The following RBPMS2 variants were observed in gnomAD, a reference collection of about 807,000 sequenced individuals.
RBPMS2 encodes RNA-binding protein with multiple splicing 2.
Under a neutral mutation model 25.7 loss-of-function variants are expected in RBPMS2, and 14 were observed. The ratio of observed to expected loss-of-function variants is 0.55; its 90% CI spans 0.36 to 0.85. The LOEUF (loss-of-function observed/expected upper bound fraction) is 0.85. Ranked by LOEUF, RBPMS2 falls within the 40% of genes least tolerant of loss-of-function variation. The pLI is 0.01. For synonymous variants in RBPMS2, 127 were observed against 115.6 expected (o/e 1.10, Z -0.63); for missense variants, 252 against 283.4 (o/e 0.89, Z 0.80).
intron 6 of RBPMS2, 138 bp from the exon 7 acceptor site, chr15:64,741,380 C>A: frequency 1.5e-6 from 1 of 658,216 alleles, no homozygotes; most frequent in South Asian, 1.8e-5. Flanking sequence ...GCCAGTTACT[C>A]ACCTTTAAGC....
intron 1 of RBPMS2, among the ~76,000 whole-genome samples, chr15:64,770,521 G>A (rs998762231): frequency 2.6e-5 from 4 of 152,112 alleles, no homozygotes; most frequent in African/African-American, 9.7e-5. Flanking sequence ...GATTACTTAG[G>A]CAGAGGGGAC....
intron 6 of RBPMS2, 53 bp downstream of exon 6, chr15:64,748,366 C>A: frequency 4.4e-6 from 7 of 1,581,606 alleles, no homozygotes; most frequent in Non-Finnish European, 5.2e-6. Context: ...CATGCAAAGT[C>A]TGGCCAGCTA....
chr15:64,775,467 C>T lies in RBPMS2; in HGVS notation c.-148G>A, dbSNP rs569872648. The T allele has an allele frequency of 1.5e-5, 3 of 204,090 alleles. No individual in the cohort carries two copies. The highest frequency in any genetic ancestry group is 1.8e-4 in the South Asian group (1 of 5,424). 12.6% of individuals were successfully genotyped at this position (204,090 alleles called of 1,614,324 possible). A position where few individuals can be genotyped will look rare whatever the true frequency, so the allele number is the denominator to read the frequency against. ...ACGGGGCAGTGAGAGGGGCAGCCTC[C>T]GCGTCGGGCCAGGGTCACATCAAGT... On this transcript the variant is annotated 5_prime_UTR_variant, in exon 1 of 8. Transcript: ENST00000300069.
At chr15:64,754,703 C>CAA (rs111969621) in intron 1 of RBPMS2, among the ~76,000 whole-genome samples, 56 of 141,066 alleles carry the variant, frequency 4.0e-4, no homozygotes, top group African/African-American at 1.4e-3. Context: ...AACTCCGTCT[C>CAA]AAAAAAAAAA....
intron 1 of RBPMS2, among the ~76,000 whole-genome samples, chr15:64,752,084 C>T (rs1029353218): frequency 6.6e-6 from 1 of 151,898 alleles, no homozygotes; most frequent in African/African-American, 2.4e-5. Context: ...CCTGCCTCAG[C>T]CTCCTGAGTA....
chr15:64,767,891 C>T (rs2083860196), intron 1 of RBPMS2, among the ~76,000 whole-genome samples: 1 of 152,184 alleles, frequency 6.6e-6, no homozygotes, highest in Non-Finnish European at 1.5e-5. Context: ...TGGTCTTGAA[C>T]TCCCAGGCTC....
chr15:64,766,928 T>C (rs2083851511), intron 1 of RBPMS2, among the ~76,000 whole-genome samples: 1 of 151,756 alleles, frequency 6.6e-6, no homozygotes, highest in Non-Finnish European at 1.5e-5. Flanking sequence ...GGATTACAGG[T>C]GCTCACGGCC....
At chr15:64,757,360 A>G (rs2083742560) in intron 1 of RBPMS2, among the ~76,000 whole-genome samples, 1 of 152,098 alleles carries the variant, frequency 6.6e-6, no homozygotes, top group Non-Finnish European at 1.5e-5. Context: ...GAGCAATAAA[A>G]TGCTGGCTTC....
chr15:64,775,147 C>A (rs1292054460), intron 1 of RBPMS2, 86 bp downstream of exon 1: 2 of 760,268 alleles, frequency 2.6e-6, no homozygotes, highest in Non-Finnish European at 3.5e-6. Context: ...ACCCCGGCCC[C>A]GCGAGGCGCG....
intron 1 of RBPMS2, among the ~76,000 whole-genome samples, chr15:64,757,750 CAG>C (rs1358734555): frequency 6.6e-6 from 1 of 152,086 alleles, no homozygotes; most frequent in Non-Finnish European, 1.5e-5. Context: ...GTCAGGGTAA[CAG>C]GGGAAACATT....
chr15:64,759,331 C>T (rs1383754318), intron 1 of RBPMS2, among the ~76,000 whole-genome samples: 11 of 152,302 alleles, frequency 7.2e-5, no homozygotes, highest in East Asian at 3.9e-4. Context: ...CCCACCACGA[C>T]GGAGGAGCCT....
At chr15:64,761,873 A>G (rs1006500971) in intron 1 of RBPMS2, among the ~76,000 whole-genome samples, 8 of 151,378 alleles carry the variant, frequency 5.3e-5, no homozygotes, top group African/African-American at 1.9e-4. Context: ...CATGCCCGAC[A>G]ATTTTTGTAT....
At chr15:64,752,541 G>C (rs2083692487) in intron 1 of RBPMS2, among the ~76,000 whole-genome samples, 1 of 152,070 alleles carries the variant, frequency 6.6e-6, no homozygotes, top group Non-Finnish European at 1.5e-5. Flanking sequence ...TGGGTAAACA[G>C]TCAAAACCAT....
intron 6 of RBPMS2, among the ~76,000 whole-genome samples, chr15:64,741,715 T>G (rs566903671): frequency 6.6e-6 from 1 of 152,308 alleles, no homozygotes; most frequent in South Asian, 2.1e-4. Flanking sequence ...TATGTGGTTG[T>G]GAGGATCAGG....
intron 6 of RBPMS2, among the ~76,000 whole-genome samples, chr15:64,744,502 G>C (rs144258536): frequency 6.8e-6 from 1 of 147,682 alleles, no homozygotes; most frequent in African/African-American, 2.5e-5. Flanking sequence ...AGGTTGAGGT[G>C]AGCTAAGATC....
intron 1 of RBPMS2, among the ~76,000 whole-genome samples, chr15:64,755,346 T>C (rs1292433920): frequency 6.6e-6 from 1 of 152,164 alleles, no homozygotes; most frequent in African/African-American, 2.4e-5. Flanking sequence ...CCCGTCTGCC[T>C]GAGCACAGAT....
At chr15:64,756,673 G>A (rs1360996184) in intron 1 of RBPMS2, among the ~76,000 whole-genome samples, 4 of 143,646 alleles carry the variant, frequency 2.8e-5, no homozygotes, top group East Asian at 2.0e-4. Flanking sequence ...ATGGAGTCTC[G>A]CTCTGTTGCC....
chr15:64,774,762 G>A (rs572450227), intron 1 of RBPMS2, among the ~76,000 whole-genome samples: 2 of 147,928 alleles, frequency 1.4e-5, no homozygotes, highest in South Asian at 4.4e-4. Flanking sequence ...CAAGGTCACG[G>A]GGAGGGGGTC....
chr15:64,764,643 C>T (rs1484024931), intron 1 of RBPMS2, among the ~76,000 whole-genome samples: 6 of 152,206 alleles, frequency 3.9e-5, no homozygotes, highest in Admixed American at 2.0e-4. Flanking sequence ...AGGTGGGGCA[C>T]GGTGGCTCAC....
Sources: gnomAD v4.1 joint callset for allele counts (sites outside exome capture counted in the v4.1 genomes callset) on GRCh38, gnomAD v4.1.1 for gene constraint, MANE v1.5 for transcripts, NCBI Gene and HGNC (gene_info 2026-07-23, HGNC 2026-07-21) for gene names.